TTLL9: variants seen among roughly 807,000 people sequenced by gnomAD.
TTLL9 encodes probable tubulin polyglutamylase TTLL9.
In TTLL9, 47 loss-of-function variants were observed where a neutral mutation model predicts 65.6. The ratio of observed to expected loss-of-function variants is 0.72; its 90% CI spans 0.57 to 0.91. The LOEUF is 0.91. Among genes scored for constraint, TTLL9 ranks in the 40% least tolerant of loss-of-function variants. The pLI is 0.00. For missense variants in TTLL9, 537 were observed against 568.8 expected (o/e 0.94, Z 0.57); for synonymous variants, 179 against 204.8 (o/e 0.87, Z 1.07).
At chr20:31,898,325 G>A in intron 3 of TTLL9, 148 bp from the exon 4 acceptor site, 1 of 625,380 alleles carries the variant, frequency 1.6e-6, no homozygotes, top group East Asian at 2.7e-5. Flanking sequence ...TATGTTAAGT[G>A]TTATCATGCT....
In TTLL9 at chr20:31,943,457, G is replaced by C; in HGVS notation, c.*436G>C. 3.1e-6 allele frequency: 1 copy of C among 326,932 alleles called. No homozygotes were observed. The highest frequency in any genetic ancestry group is 6.1e-6 in the Non-Finnish European group (1 of 165,232). 20.3% of individuals were successfully genotyped at this position (326,932 alleles called of 1,614,324 possible). A position where few individuals can be genotyped will look rare whatever the true frequency, so the allele number is the denominator to read the frequency against. Reference sequence around the variant, plus strand: ...CTTGGATACCTCCCAAGTCAGTGCTGAAAAGGTCCTTCAGGAGCAAGAGTT... The same window carrying C: ...CTTGGATACCTCCCAAGTCAGTGCTCAAAAGGTCCTTCAGGAGCAAGAGTT... On this transcript the variant is annotated 3_prime_UTR_variant, in exon 15 of 15. Coordinates refer to ENST00000535842, the MANE Select transcript of TTLL9 (RefSeq NM_001008409.5).
intron 13 of TTLL9, chr20:31,938,238 C>A: frequency 2.2e-6 from 1 of 456,826 alleles, no homozygotes. Context: ...ATTCCTAAAC[C>A]ACTCACTGTG....
chr20:31,879,613 C>A, intron 2 of TTLL9: 1 of 491,236 alleles, frequency 2.0e-6, no homozygotes. Flanking sequence ...GCAGAGGGAG[C>A]CAGCCTCTGA....
intron 10 of TTLL9, among the ~76,000 whole-genome samples, chr20:31,929,699 A>G (rs2063972128): frequency 6.6e-6 from 1 of 152,142 alleles, no homozygotes. Context: ...CTATAGTGAC[A>G]CATAATGCTG....
At chr20:31,900,245 G>T (rs189804414) in intron 4 of TTLL9, among the ~76,000 whole-genome samples, 1 of 152,134 alleles carries the variant, frequency 6.6e-6, no homozygotes, top group Non-Finnish European at 1.5e-5. Context: ...CTAACATTTC[G>T]CATGCATGAT....
intron 2 of TTLL9, among the ~76,000 whole-genome samples, chr20:31,875,371 AG>A (rs1383544746): frequency 1.3e-5 from 2 of 152,210 alleles, no homozygotes; most frequent in Admixed American, 6.5e-5. Flanking sequence ...TTGACAGAGT[AG>A]GAACCCTTGT....
At position 31,944,206 on chromosome 20, in the gene TTLL9, C is replaced by A. The variant is rs1210571317; in HGVS notation, c.*1185C>A. 1.2e-5 allele frequency: 2 copies of A among 162,346 alleles called. No individual in the cohort carries two copies. Among genetic ancestry groups the A allele is most frequent in the African/African-American group, 4.8e-5 (2 of 41,978 alleles). 10.1% of individuals were successfully genotyped at this position (162,346 alleles called of 1,614,324 possible). ...CAACCCAGACAGGTCCAGGCATGGA[C>A]TCCAGGTTCCCTATTTCCAGAAGGA... is the stretch of plus-strand genomic sequence containing the variant. On this transcript the variant is annotated 3_prime_UTR_variant, in exon 15 of 15. Coordinates refer to ENST00000535842, the MANE Select transcript of TTLL9 (RefSeq NM_001008409.5).
intron 10 of TTLL9, among the ~76,000 whole-genome samples, chr20:31,928,636 A>G (rs572587565): frequency 1.3e-5 from 2 of 152,136 alleles, no homozygotes; most frequent in Admixed American, 6.5e-5. Flanking sequence ...GATCCCTTAA[A>G]TCTCCCTTGA....
intron 10 of TTLL9, 35 bp from the exon 11 acceptor site, chr20:31,933,765 G>C: frequency 1.2e-6 from 2 of 1,606,168 alleles, no homozygotes; most frequent in Non-Finnish European, 1.7e-6. Flanking sequence ...CACCCTTTTT[G>C]TTCACGCTGA....
chr20:31,900,782 AG>A (rs2063466712), intron 4 of TTLL9, among the ~76,000 whole-genome samples: 1 of 152,116 alleles, frequency 6.6e-6, no homozygotes, highest in Non-Finnish European at 1.5e-5. Context: ...GGTGACTAGC[AG>A]GTGGGGGTGG....
At position 31,909,893 on chromosome 20, in the gene TTLL9, A is replaced by T; in HGVS notation, c.475A>T (p.Asn159Tyr). The T allele has an allele frequency of 6.2e-7, 1 of 1,614,018 alleles. No individual in the cohort carries two copies. The highest frequency in any genetic ancestry group is 8.5e-7 in the Non-Finnish European group (1 of 1,179,972). ...CCTGTTTGTAGAGGAGTTTCGCAAA[A>T]ACCCAGGAATCACCTGGATCATGAA... is the stretch of plus-strand genomic sequence containing the variant. Reference protein sequence around the residue: ...YHLFVEEFRKNPGITWIMKPV... With the variant: ...YHLFVEEFRKYPGITWIMKPV... The change falls in exon 6 of 15, where the codon AAC becomes TAC. Residue 159 changes from asparagine to tyrosine, a missense_variant. Physicochemically the swap from Asn to Tyr is moderately radical, Grantham distance 143. This residue lies in a region of TTLL9 where 320 missense variants were observed against 311.0 expected (regional missense o/e 1.03). Transcript: ENST00000535842.
chr20:31,890,326 A>G (rs1338747752), intron 3 of TTLL9, among the ~76,000 whole-genome samples: 1 of 151,726 alleles, frequency 6.6e-6, no homozygotes, highest in Non-Finnish European at 1.5e-5. Flanking sequence ...AGCTAGGAAT[A>G]CAAGTTATGT....
Position 31,916,007 on chromosome 20 carries a change from T to C in TTLL9, c.505-3857T>C, listed in dbSNP as rs1478150096. On this transcript the variant is annotated intron_variant, in intron 6 of 14. Coordinates refer to ENST00000535842, the MANE Select transcript of TTLL9 (RefSeq NM_001008409.5). ...CTTGACAAGGAAGGCTGCTCCAGCA[T>C]CCACTGAGGGCTGGAGGATCCCCTT... Among the ~76,000 whole-genome samples, 6 of 152,174 alleles carry C rather than the reference T, an allele frequency of 3.9e-5. No individual in the cohort carries two copies. The East Asian group carries it at 1.2e-3, about 29-fold the overall frequency.
Position 31,944,511 on chromosome 20 carries a change from A to C in TTLL9, c.*1490A>C, listed in dbSNP as rs2064284103. 6.6e-6 allele frequency: 1 copy of C among 152,330 alleles called. No homozygotes were observed. The highest frequency in any genetic ancestry group is 1.5e-5 in the Non-Finnish European group (1 of 68,150). The allele number at this position is 152,330 out of a possible 1,614,324, so 9.4% of individuals were successfully genotyped here. A position where few individuals can be genotyped will look rare whatever the true frequency, so the allele number is the denominator to read the frequency against. ...AGGGAATCACACTGTGCTTGCACAA[A>C]AATTATTAGCTTATAAGACACCAGC... is the stretch of plus-strand genomic sequence containing the variant. On this transcript the variant is annotated 3_prime_UTR_variant, in exon 15 of 15. Coordinates refer to ENST00000535842, the MANE Select transcript of TTLL9 (RefSeq NM_001008409.5).
At chr20:31,873,147 G>A (rs1048913957) in intron 2 of TTLL9, 1 of 414,342 alleles carries the variant, frequency 2.4e-6, no homozygotes, top group Non-Finnish European at 4.8e-6. Context: ...GAAAGGACTT[G>A]CAGATTGACT....
chr20:31,897,172 G>A (rs2063399615), intron 3 of TTLL9, among the ~76,000 whole-genome samples: 1 of 152,130 alleles, frequency 6.6e-6, no homozygotes, highest in South Asian at 2.1e-4. Flanking sequence ...TTCTTTTTTG[G>A]GAGGTTTTGA....
chr20:31,890,170 T>G (rs904703228), intron 3 of TTLL9, among the ~76,000 whole-genome samples: 1 of 126,896 alleles, frequency 7.9e-6, no homozygotes, highest in Non-Finnish European at 1.6e-5. Flanking sequence ...TCTTTCTTTC[T>G]TTCTTTCTTT....
At chr20:31,871,227 T>G in intron 2 of TTLL9, 32 bp downstream of exon 2, 4 of 1,601,860 alleles carry the variant, frequency 2.5e-6, no homozygotes, top group African/African-American at 1.3e-5. Flanking sequence ...TGAGGGAGGG[T>G]TCCAGTCTGA....
At chr20:31,885,086 A>G (rs2063170386) in intron 2 of TTLL9, among the ~76,000 whole-genome samples, 1 of 152,242 alleles carries the variant, frequency 6.6e-6, no homozygotes, top group Non-Finnish European at 1.5e-5. Context: ...AGACCATATT[A>G]TTCATGTATT....
Sources: allele counts gnomAD v4.1 joint callset (sites outside exome capture counted in the v4.1 genomes callset), GRCh38; gene constraint gnomAD v4.1.1; regional missense constraint gnomAD v4.1.1; transcripts MANE v1.5; gene names NCBI Gene and HGNC (gene_info 2026-07-23, HGNC 2026-07-21).